USH2A: variants seen among roughly 807,000 people sequenced by gnomAD.
USH2A encodes the protein usherin, also known as Usher syndrome 2A (autosomal recessive, mild).
In USH2A, 443 loss-of-function variants were observed where a neutral mutation model predicts 538.9. The ratio of observed to expected loss-of-function variants is 0.82; its 90% CI spans 0.76 to 0.89. USH2A has a LOEUF of 0.89. USH2A is among the 40% of genes least tolerant of loss of function. USH2A has a pLI of 0.00. For missense variants in USH2A, 6,633 were observed against 6,324.8 expected (o/e 1.05, Z -1.65); for synonymous variants, 2,413 against 2,273.5 (o/e 1.06, Z -1.75).
intron 30 of USH2A, among the ~76,000 whole-genome samples, chr1:216,050,604 C>CTTTCTTTTT (rs1195871302): frequency 1.5e-5 from 1 of 68,564 alleles, no homozygotes; most frequent in African/African-American, 5.3e-5. Context: ...TTCTTTCTTT[C>CTTTCTTTTT]TTTTTTTTTT....
At chr1:216,293,288 T>C (rs2037043115) in intron 9 of USH2A, among the ~76,000 whole-genome samples, 1 of 152,184 alleles carries the variant, frequency 6.6e-6, no homozygotes, top group South Asian at 2.1e-4. Flanking sequence ...CCGCCCAAAG[T>C]GCTGGGATTA....
At chr1:216,349,190 T>C (rs1436944558) in intron 4 of USH2A, among the ~76,000 whole-genome samples, 1 of 152,078 alleles carries the variant, frequency 6.6e-6, no homozygotes, top group Non-Finnish European at 1.5e-5. Context: ...TCTGATTGAG[T>C]TCCTCTCTAT....
At position 215,630,410 on chromosome 1, in the gene USH2A, G is replaced by A. The variant is rs928250781; in HGVS notation, c.15298-1375C>T. 1.4e-4 allele frequency: 54 copies of A among 382,240 alleles called. No individual in the cohort carries two copies. In the Admixed American group the frequency reaches 1.5e-3, roughly 11 times the overall value. 23.7% of individuals were successfully genotyped at this position (382,240 alleles called of 1,614,324 possible). A position where few individuals can be genotyped will look rare whatever the true frequency, so the allele number is the denominator to read the frequency against. ...GATACATACCTGCATATGTATATAT[G>A]TGTGTGTATATATATGTGTGTGTGT... On this transcript the variant is annotated intron_variant, in intron 70 of 71. Coordinates refer to ENST00000307340, the MANE Select transcript of USH2A (RefSeq NM_206933.4).
At chr1:216,231,583 C>G (rs1416622656) in intron 14 of USH2A, among the ~76,000 whole-genome samples, 2 of 151,168 alleles carry the variant, frequency 1.3e-5, no homozygotes, top group Non-Finnish European at 2.9e-5. Flanking sequence ...GAGTCTTGCC[C>G]TGTCTCCCAG....
At chr1:216,016,847 TTGTG>T (rs140646671) in intron 32 of USH2A, among the ~76,000 whole-genome samples, 1 of 139,090 alleles carries the variant, frequency 7.2e-6, no homozygotes. Context: ...AGTCACTACT[TTGTG>T]TGTGTGTGTG....
At position 216,417,495 on chromosome 1, in the gene USH2A, T is replaced by A. The variant is rs144825519; in HGVS notation, c.651+1019A>T. On this transcript the variant is annotated intron_variant, in intron 3 of 71. Coordinates refer to ENST00000307340, the MANE Select transcript of USH2A (RefSeq NM_206933.4). ...CCCCAGCTTTGGTGGTGGGGCCTGA[T>A]GGGAGGTTATTGGAACATGTAGACG... is the stretch of plus-strand genomic sequence containing the variant. 6.6e-4 allele frequency among the ~76,000 whole-genome samples: 101 copies of A among 152,160 alleles called. No homozygotes were observed. The East Asian group carries it at 0.018, about 27-fold the overall frequency.
chr1:215,831,321 G>GT (rs944823772), intron 47 of USH2A, among the ~76,000 whole-genome samples: 3 of 152,090 alleles, frequency 2.0e-5, no homozygotes, highest in African/African-American at 7.2e-5. Flanking sequence ...CAGAAAATCA[G>GT]TAAGTATATA....
chr1:215,893,537 T>G, intron 40 of USH2A, among the ~76,000 whole-genome samples: 1 of 152,220 alleles, frequency 6.6e-6, no homozygotes, highest in Admixed American at 6.5e-5. Context: ...TGAGAGGATA[T>G]ACTTTTCCTG....
chr1:216,108,208 T>C (rs12117648), intron 21 of USH2A, among the ~76,000 whole-genome samples: 38,570 of 151,670 alleles, frequency 0.25, 5,334 homozygotes, highest in Non-Finnish European at 0.31. Context: ...AAAATGTCTT[T>C]CAAATTATTT....
chr1:216,132,468 C>G (rs991477235), intron 21 of USH2A, among the ~76,000 whole-genome samples: 3 of 152,000 alleles, frequency 2.0e-5, no homozygotes, highest in Non-Finnish European at 4.4e-5. Context: ...GAATCATGAA[C>G]TCCTGCAGAG....
At chr1:216,328,916 A>T (rs2037790773) in intron 4 of USH2A, among the ~76,000 whole-genome samples, 1 of 152,102 alleles carries the variant, frequency 6.6e-6, no homozygotes, top group Non-Finnish European at 1.5e-5. Context: ...TACATATAAA[A>T]ATATTTCTTC....
rs794727938 is a variant in USH2A at position 216,323,612 on chromosome 1, T to C, written c.1412A>G (p.Tyr471Cys). 3.1e-6 allele frequency: 5 copies of C among 1,613,468 alleles called. No homozygotes were observed. Among genetic ancestry groups the C allele is most frequent in the East Asian group, 2.2e-5 (1 of 44,796 alleles). Residue 471 changes from tyrosine to cysteine, a missense_variant, in exon 8 of 72, where the codon TAT becomes TGT. Coordinates refer to ENST00000307340, the MANE Select transcript of USH2A (RefSeq NM_206933.4). Reference protein sequence around the residue: ...PNYRPGYNNFYNTPSLQEFVK... With the variant: ...PNYRPGYNNFCNTPSLQEFVK... ...GAACTCTTGAAGAGATGGGGTATTATAGAAGTTATTGTATCCAGGACGATA... is the reference window on the plus strand; with the variant it reads ...GAACTCTTGAAGAGATGGGGTATTACAGAAGTTATTGTATCCAGGACGATA...
rs1301387722 is a variant in USH2A at position 215,977,279 on chromosome 1, C to G, written c.6806-6503G>C. Among the ~76,000 whole-genome samples, 8 of 152,196 alleles carry G rather than the reference C, an allele frequency of 5.3e-5. No homozygotes were observed. The East Asian group carries it at 7.7e-4, about 15-fold the overall frequency. ...CTAGGTGAGATGTTAGTTTGTTAAA[C>G]TGAGATCTTTCTAACTTTTTGAGGT... On this transcript the variant is annotated intron_variant, in intron 35 of 71. Coordinates refer to ENST00000307340, the MANE Select transcript of USH2A (RefSeq NM_206933.4).
chr1:216,027,715 G>GA, intron 32 of USH2A, among the ~76,000 whole-genome samples: 1 of 152,164 alleles, frequency 6.6e-6, no homozygotes, highest in Non-Finnish European at 1.5e-5. Context: ...AGCTCTTATT[G>GA]AAAATCAGCA....
Position 216,135,098 on chromosome 1 carries a change from G to C in USH2A, c.4628-37885C>G, listed in dbSNP as rs529933365. 6.0e-5 allele frequency among the ~76,000 whole-genome samples: 9 copies of C among 149,026 alleles called. No homozygotes were observed. In the South Asian group the frequency reaches 1.9e-3, roughly 32 times the overall value. ...ACCACTGCTACAGTTATGCAACAAA[G>C]GCAGTCTACCATTAATATCTGTCTT... On this transcript the variant is annotated intron_variant, in intron 21 of 71. Transcript: ENST00000307340.
chr1:215,904,245 TAA>T (rs1251512187), intron 38 of USH2A, among the ~76,000 whole-genome samples: 2 of 151,996 alleles, frequency 1.3e-5, no homozygotes, highest in Non-Finnish European at 2.9e-5. Flanking sequence ...CCTTATGTGT[TAA>T]AAACTACATT....
In USH2A at chr1:216,073,792, G is replaced by A. The variant is rs543374600; in HGVS notation, c.5573-492C>T. On this transcript the variant is annotated intron_variant, in intron 27 of 71. Coordinates refer to ENST00000307340, the MANE Select transcript of USH2A (RefSeq NM_206933.4). ...GAGCATTTTATGTAGAATACCAGGA[G>A]AGAGAACATAATTTCAAAATATATT... Among the ~76,000 whole-genome samples the A allele has an allele frequency of 1.6e-4, 24 of 152,336 alleles. No individual in the cohort carries two copies. In the East Asian group the frequency reaches 4.6e-3, roughly 29 times the overall value.
At chr1:216,175,113 C>A in intron 21 of USH2A, 139 bp downstream of exon 21, 1 of 1,498,224 alleles carries the variant, frequency 6.7e-7, no homozygotes, top group Non-Finnish European at 8.9e-7. Flanking sequence ...CTGAAACAAT[C>A]AGGCAAAAGC....
rs191700875 is a variant in USH2A at position 215,643,514 on chromosome 1, A to G, written c.14792-2780T>C. 5.7e-3 allele frequency among the ~76,000 whole-genome samples: 869 copies of G among 151,894 alleles called. 15 individuals carry two copies. Among genetic ancestry groups the G allele is most frequent in the Non-Finnish European group, 6.4e-3 (434 of 67,978 alleles). ...GCTTCTCCAATATAAAAAAACACAA[A>G]TAGATAAAATCCTTTTTTTTTTTTT... On this transcript the variant is annotated intron_variant, in intron 67 of 71. Coordinates refer to ENST00000307340, the MANE Select transcript of USH2A (RefSeq NM_206933.4).
Sources: gnomAD v4.1 joint callset for allele counts (sites outside exome capture counted in the v4.1 genomes callset) on GRCh38, gnomAD v4.1.1 for gene constraint, MANE v1.5 for transcripts, NCBI Gene and HGNC (gene_info 2026-07-23, HGNC 2026-07-21) for gene names.